Variants in MYO7A observed in about 807,000 individuals in gnomAD.
MYO7A encodes myosin VIIA, also known as unconventional myosin-VIIa.
A neutral mutation model predicts 263.8 loss-of-function variants in MYO7A; 210 were observed. That is an observed-to-expected ratio of 0.80 (90% confidence interval 0.71 to 0.89). MYO7A has a LOEUF of 0.89. Among genes scored for constraint, MYO7A ranks in the 40% least tolerant of loss-of-function variants. The pLI, the probability that MYO7A is intolerant of heterozygous loss-of-function variation, is 0.00. For missense variants in MYO7A, 2,820 were observed against 2,968.3 expected, an observed-to-expected ratio of 0.95 and a Z score of 1.16; for synonymous variants, 1,239 against 1,197.3, an observed-to-expected ratio of 1.03 and a Z score of -0.72.
chr11:77,142,530 T>C lies in MYO7A; in HGVS notation c.19-179T>C, dbSNP rs1320329458. ...GGGGGGATTGATGAGATTGCATAAA[T>C]GCCCAGCCCAGGGCCTGCACTGCTC... On this transcript the variant is annotated intron_variant, in intron 2 of 48. Transcript: ENST00000409709. 4.4e-6 allele frequency: 3 copies of C among 676,752 alleles called. No homozygotes were observed. The East Asian group carries it at 8.6e-5, about 19-fold the overall frequency. 41.9% of individuals were successfully genotyped at this position (676,752 alleles called of 1,614,324 possible).
rs1036560950 is a variant in MYO7A at position 77,211,707 on chromosome 11, C to T, written c.6238-114C>T. On this transcript the variant is annotated intron_variant, in intron 45 of 48. Transcript: ENST00000409709. The stretch of plus-strand genomic sequence containing the variant: ...CTAGTCCTGGCCCTGAGGGTGCAGA[C>T]GGGGCTGGAGTGGGCAGGGGTGGTG... 8.1e-5 allele frequency: 62 copies of T among 764,714 alleles called. 3 individuals are homozygous for T. The highest frequency in any genetic ancestry group is 3.8e-4 in the Admixed American group (17 of 45,118). The allele number at this position is 764,714 out of a possible 1,614,324, so 47.4% of individuals were successfully genotyped here.
At chr11:77,149,255 C>T (rs12283226) in intron 4 of MYO7A, among the ~76,000 whole-genome samples, 57,702 of 151,828 alleles carry the variant, frequency 0.38, 12,740 homozygotes, top group East Asian at 0.67. Flanking sequence ...GCAGGGCTGG[C>T]CTGATTATCT....
At position 77,147,848 on chromosome 11, in the gene MYO7A, C is replaced by A; in HGVS notation, c.183C>A (p.Pro61=). ...QNATHIKPMH[P]TSVHGVEDMI... ...CAACGCACATCAAGCCTATGCACCC[C>A]ACGTCGGTCCACGGCGTGGAGGACA... The change falls in exon 4 of 49, where the codon CCC becomes CCA. Residue 61 remains proline, a synonymous_variant. Transcript: ENST00000409709. The A allele has an allele frequency of 6.2e-7, 1 of 1,609,146 alleles. No homozygotes were observed. Among genetic ancestry groups the A allele is most frequent in the East Asian group, 2.2e-5 (1 of 44,768 alleles).
rs371418589 is a variant in MYO7A, at chr11:77,147,355, C to A, written c.133-443C>A. ...CCCCCATGACTCTCCACCACATACA[C>A]CTGTTGAGGTATTCTTGGCACTATC... is the stretch of plus-strand genomic sequence containing the variant. On this transcript the variant is annotated intron_variant, in intron 3 of 48. Coordinates refer to ENST00000409709, the MANE Select transcript of MYO7A (RefSeq NM_000260.4). 1.5e-4 allele frequency among the ~76,000 whole-genome samples: 23 copies of A among 152,310 alleles called. No individual in the cohort carries two copies. The East Asian group carries it at 2.5e-3, about 17-fold the overall frequency.
intron 14 of MYO7A, among the ~76,000 whole-genome samples, chr11:77,164,015 A>G (rs1292531435): frequency 2.6e-5 from 4 of 152,196 alleles, no homozygotes; most frequent in African/African-American, 7.2e-5. Flanking sequence ...CTGATACAAC[A>G]TAGCCCATTA....
At chr11:77,204,659 CCTT>C (rs1398732722) in intron 39 of MYO7A, among the ~76,000 whole-genome samples, 2 of 152,198 alleles carry the variant, frequency 1.3e-5, no homozygotes, top group African/African-American at 4.8e-5. Flanking sequence ...AAGGGTGCCA[CCTT>C]CTCCTCCCGC....
rs111033229 is a variant in MYO7A at position 77,179,045 on chromosome 11, G to A, written c.2283G>A (p.Arg761=). The change falls in exon 20 of 49, where the codon AGG becomes AGA. Residue 761 remains arginine (R), a splice_region_variant and synonymous_variant. Transcript: ENST00000409709. ...ACCCGCGCCACTACTGCTGTTTCAG[G>A]TCTAACTTTCTGAAGCTGAAGAACG... ...LQKVIRGFKD[R]SNFLKLKNAA... 1,350 of 1,602,990 alleles carry A rather than the reference G, an allele frequency of 8.4e-4. 1 individual carries two copies. The highest frequency in any genetic ancestry group is 1.1e-3 in the Non-Finnish European group (1,276 of 1,175,462).
intron 11 of MYO7A, 126 bp from the exon 12 acceptor site, chr11:77,160,847 T>G: frequency 3.8e-6 from 4 of 1,059,964 alleles, no homozygotes; most frequent in Non-Finnish European, 4.2e-6. Context: ...AAGTAAAGGG[T>G]TGGGGGTTTC....
chr11:77,167,880 A>G (rs1002919578), intron 15 of MYO7A, among the ~76,000 whole-genome samples: 17 of 151,840 alleles, frequency 1.1e-4, no homozygotes, highest in African/African-American at 4.1e-4. Flanking sequence ...GCCCCCACTC[A>G]CCCTGACAGA....
chr11:77,182,263 C>A, intron 24 of MYO7A, 109 bp downstream of exon 24: 1 of 1,466,022 alleles, frequency 6.8e-7, no homozygotes, highest in African/African-American at 1.4e-5. Context: ...TCCCTGGGGG[C>A]CAGGGACCAG....
intron 2 of MYO7A, among the ~76,000 whole-genome samples, chr11:77,142,174 C>A (rs545411682): frequency 9.9e-5 from 15 of 152,228 alleles, no homozygotes; most frequent in Admixed American, 3.3e-4. Context: ...AGGATCAGGG[C>A]TCTCTCCACA....
chr11:77,155,907 A>G lies in MYO7A; in HGVS notation c.286A>G (p.Thr96Ala). Residue 96 changes from threonine to alanine, a missense_variant and splice_region_variant, in exon 5 of 49, where the codon ACG becomes GCG. Physicochemically the swap from Thr to Ala is moderately conservative, Grantham distance 58 (BLOSUM62 0). Transcript: ENST00000409709. ...LIRYRDHLIY[T>A]YTGSILVAVN... ...GCTCCCCATCTCTTGCTGCCCGCAG[A>G]CGTATACGGGCTCCATCCTGGTGGC... is the stretch of plus-strand genomic sequence containing the variant. 6.3e-7 allele frequency: 1 copy of G among 1,594,796 alleles called. No individual in the cohort carries two copies. The highest frequency in any genetic ancestry group is 8.6e-7 in the Non-Finnish European group (1 of 1,168,424).
chr11:77,172,291 T>G (rs1224234011), intron 15 of MYO7A, among the ~76,000 whole-genome samples: 5 of 152,196 alleles, frequency 3.3e-5, no homozygotes, highest in African/African-American at 1.2e-4. Flanking sequence ...GGCACACAGC[T>G]AGGAAGTGGT....
chr11:77,197,361 C>A, intron 32 of MYO7A, 120 bp from the exon 33 acceptor site: 1 of 701,356 alleles, frequency 1.4e-6, no homozygotes, highest in Non-Finnish European at 2.4e-6. Context: ...GGCAAGGCCA[C>A]GATGCACAGG....
rs767426033 is a variant in MYO7A, at chr11:77,190,112, A to T, written c.3723A>T (p.Thr1241=). The change falls in exon 29 of 49, where the codon ACA becomes ACT. Residue 1241 remains threonine (T), a synonymous_variant. Coordinates refer to ENST00000409709, the MANE Select transcript of MYO7A (RefSeq NM_000260.4). ...GGACCTTTGTCAATGGGACACGGAC[A>T]CAGCCGCCCAGCTGGCTGGAGCTGC... is the stretch of plus-strand genomic sequence containing the variant. The part of the protein sequence containing the change: ...LRRTFVNGTR[T]QPPSWLELQA... 1.8e-5 allele frequency: 29 copies of T among 1,573,840 alleles called. No individual in the cohort carries two copies. The highest frequency in any genetic ancestry group is 1.7e-4 in the Middle Eastern group (1 of 5,968).
intron 4 of MYO7A, among the ~76,000 whole-genome samples, chr11:77,151,680 G>T (rs868946237): frequency 6.6e-6 from 1 of 152,248 alleles, no homozygotes; most frequent in South Asian, 2.1e-4. Context: ...CAAGAGGTCT[G>T]TGCTGGGCAT....
intron 34 of MYO7A, 60 bp downstream of exon 34, chr11:77,198,681 C>G: frequency 6.2e-7 from 1 of 1,604,388 alleles, no homozygotes; most frequent in Non-Finnish European, 8.5e-7. Context: ...GCTGGAGCTT[C>G]CCTGCGGGTC....
intron 4 of MYO7A, among the ~76,000 whole-genome samples, chr11:77,153,403 C>A (rs1952155031): frequency 6.6e-6 from 1 of 152,086 alleles, no homozygotes; most frequent in African/African-American, 2.4e-5. Flanking sequence ...GTAGGGACAT[C>A]AGGAGGCTCA....
At position 77,206,114 on chromosome 11, in the gene MYO7A, A is replaced by G; in HGVS notation, c.5654A>G (p.Tyr1885Cys). ...CTTTTCAGAAACGGGTCCCGGAAGTACCCTCCGCACCTGGTGGAGGTGGAG... is the reference window on the plus strand; with the variant it reads ...CTTTTCAGAAACGGGTCCCGGAAGTGCCCTCCGCACCTGGTGGAGGTGGAG... ...QKALRNGSRK[Y>C]PPHLVEVEAI... Residue 1885 changes from tyrosine to cysteine, a missense_variant, in exon 41 of 49, where the codon TAC becomes TGC. Tyr to Cys is a radical substitution (Grantham distance 194, BLOSUM62 -2). Coordinates refer to ENST00000409709, the MANE Select transcript of MYO7A (RefSeq NM_000260.4). 1 of 1,612,408 alleles carries G rather than the reference A, an allele frequency of 6.2e-7. No individual in the cohort carries two copies. The highest frequency in any genetic ancestry group is 8.5e-7 in the Non-Finnish European group (1 of 1,179,344).
Sources: allele counts gnomAD v4.1 joint callset (sites outside exome capture counted in the v4.1 genomes callset), GRCh38; gene constraint gnomAD v4.1.1; transcripts MANE v1.5; gene names NCBI Gene and HGNC (gene_info 2026-07-23, HGNC 2026-07-21).